OCA2: variants seen among roughly 807,000 people sequenced by gnomAD.
The protein encoded by OCA2 is P protein.
Under a neutral mutation model 100.2 loss-of-function variants are expected in OCA2, and 77 were observed. The observed-to-expected ratio is 0.77, with a 90% CI of 0.64 to 0.93. The LOEUF (loss-of-function observed/expected upper bound fraction) is 0.93. OCA2 is among the 40% of genes least tolerant of loss of function. OCA2 has a pLI of 0.00. For missense variants in OCA2, 1,062 were observed against 1,089.1 expected, an observed-to-expected ratio of 0.98 and a Z score of 0.35; for synonymous variants, 432 against 439.2, an observed-to-expected ratio of 0.98 and a Z score of 0.21.
chr15:27,928,193 T>C (rs1264243989), intron 18 of OCA2, among the ~76,000 whole-genome samples: 2 of 151,878 alleles, frequency 1.3e-5, no homozygotes, highest in Non-Finnish European at 2.9e-5. Context: ...TTAGAGCAAA[T>C]GAAACCCAAA....
At chr15:27,917,670 G>C (rs986046299) in intron 19 of OCA2, among the ~76,000 whole-genome samples, 2 of 152,132 alleles carry the variant, frequency 1.3e-5, no homozygotes, top group Non-Finnish European at 2.9e-5. Context: ...ATAGAGGGGG[G>C]AAGCAAGGTG....
At chr15:27,941,240 G>T (rs1162633462) in intron 18 of OCA2, among the ~76,000 whole-genome samples, 1 of 152,132 alleles carries the variant, frequency 6.6e-6, no homozygotes, top group African/African-American at 2.4e-5. Flanking sequence ...GTAATCATTC[G>T]ATGTGAGAAT....
chr15:27,770,510 C>G (rs986952205), intron 23 of OCA2, among the ~76,000 whole-genome samples: 2 of 122,652 alleles, frequency 1.6e-5, no homozygotes, highest in Non-Finnish European at 3.6e-5. Context: ...AGGACCCTCC[C>G]CGCAGGCCGC....
intron 9 of OCA2, among the ~76,000 whole-genome samples, chr15:28,008,771 G>T (rs564569811): frequency 6.6e-6 from 1 of 152,326 alleles, no homozygotes; most frequent in South Asian, 2.1e-4. Flanking sequence ...AGATGAGAAG[G>T]GATCAGGGAG....
intron 1 of OCA2, among the ~76,000 whole-genome samples, chr15:28,085,205 C>G (rs1316568040): frequency 2.6e-5 from 4 of 152,154 alleles, no homozygotes; most frequent in Admixed American, 2.6e-4. Context: ...CACCGCACCT[C>G]CCCAGACAGT....
chr15:27,831,284 C>CAAAAAAAAAAAAAAAAAAA (rs71132824), intron 23 of OCA2, among the ~76,000 whole-genome samples: 5 of 62,634 alleles, frequency 8.0e-5, no homozygotes, highest in East Asian at 5.3e-4. Flanking sequence ...GACTCCGTCT[C>CAAAAAAAAAAAAAAAAAAA]AAAAAAAAAA....
chr15:27,990,809 G>A (rs949081295), intron 9 of OCA2, among the ~76,000 whole-genome samples, 162 bp from the exon 10 acceptor site: 4 of 152,192 alleles, frequency 2.6e-5, no homozygotes, highest in African/African-American at 9.7e-5. Flanking sequence ...ACACCCCACA[G>A]ACACATACAG....
At chr15:27,948,182 G>T (rs763186369) in intron 18 of OCA2, among the ~76,000 whole-genome samples, 98 of 152,280 alleles carry the variant, frequency 6.4e-4, no homozygotes, top group South Asian at 2.7e-3. Flanking sequence ...TTTAAGGTTT[G>T]CATAAGGTGC....
At chr15:27,987,564 A>AT (rs1024082001) in intron 11 of OCA2, among the ~76,000 whole-genome samples, 1 of 151,196 alleles carries the variant, frequency 6.6e-6, no homozygotes. Context: ...CTAAAAAAAA[A>AT]AAAAAATACA....
Position 27,849,966 on chromosome 15 carries a change from T to C in OCA2, c.2338+1416A>G, listed in dbSNP as rs539800349. On this transcript the variant is annotated intron_variant, in intron 22 of 23. Transcript: ENST00000354638. ...GGTGCCTTTCAATCGCCAGAGCTAC[T>C]AGATTAAAACGCTCCCAAGACTGAA... Among the ~76,000 whole-genome samples, 15 of 152,302 alleles carry C rather than the reference T, an allele frequency of 9.8e-5. No individual in the cohort carries two copies. The East Asian group carries it at 2.9e-3, about 29-fold the overall frequency.
chr15:27,853,966 C>T (rs140516151), intron 21 of OCA2, among the ~76,000 whole-genome samples: 83 of 152,316 alleles, frequency 5.4e-4, no homozygotes, highest in African/African-American at 1.9e-3. Flanking sequence ...TGCTCAGTCC[C>T]CCAATGTCAT....
At chr15:27,854,769 G>A (rs942000635) in intron 21 of OCA2, among the ~76,000 whole-genome samples, 2 of 152,140 alleles carry the variant, frequency 1.3e-5, no homozygotes, top group African/African-American at 4.8e-5. Context: ...GAGGCCACGG[G>A]GCCCCTAGGC....
At chr15:28,005,089 G>A (rs1193575372) in intron 9 of OCA2, among the ~76,000 whole-genome samples, 1 of 152,160 alleles carries the variant, frequency 6.6e-6, no homozygotes, top group Non-Finnish European at 1.5e-5. Context: ...CGTGGTGTCA[G>A]GGCGTCCAGG....
the OCA2 span, among the ~76,000 whole-genome samples, chr15:27,734,934 A>G: frequency 6.6e-6 from 1 of 152,256 alleles, no homozygotes; most frequent in Non-Finnish European, 1.5e-5. Flanking sequence ...ACATCAACAT[A>G]TGACCACAAG....
At chr15:28,050,553 T>G (rs1418410433) in intron 2 of OCA2, among the ~76,000 whole-genome samples, 4 of 124,446 alleles carry the variant, frequency 3.2e-5, no homozygotes, top group Non-Finnish European at 6.3e-5. Context: ...AGGGTGAGAC[T>G]CCATCTCAAA....
At chr15:27,859,211 T>C (rs1442339152) in intron 21 of OCA2, among the ~76,000 whole-genome samples, 5 of 151,520 alleles carry the variant, frequency 3.3e-5, no homozygotes, top group Non-Finnish European at 7.4e-5. Flanking sequence ...ATAGAAAAAA[T>C]AGAGAAAGTC....
chr15:27,775,677 G>C (rs1347191429), intron 23 of OCA2: 1 of 152,282 alleles, frequency 6.6e-6, no homozygotes, highest in Non-Finnish European at 1.5e-5. Flanking sequence ...TCAAAAGCCT[G>C]TTCTCTCTCA....
At chr15:28,055,369 A>G (rs1012091891) in intron 2 of OCA2, among the ~76,000 whole-genome samples, 1 of 152,188 alleles carries the variant, frequency 6.6e-6, no homozygotes, top group African/African-American at 2.4e-5. Flanking sequence ...TCTGCAAAAG[A>G]AGCCTCGTCA....
At chr15:27,802,725 A>C (rs1359292152) in intron 23 of OCA2, among the ~76,000 whole-genome samples, 1 of 152,184 alleles carries the variant, frequency 6.6e-6, no homozygotes, top group African/African-American at 2.4e-5. Context: ...TCCCACACCC[A>C]AAATAAACTT....
Sources: gnomAD v4.1 joint callset for allele counts (sites outside exome capture counted in the v4.1 genomes callset) on GRCh38, gnomAD v4.1.1 for gene constraint, MANE v1.5 for transcripts, NCBI Gene and HGNC (gene_info 2026-07-23, HGNC 2026-07-21) for gene names.